MGMT: variants seen among roughly 807,000 people sequenced by gnomAD.
MGMT encodes the protein O-6-methylguanine-DNA methyltransferase.
MGMT carries 14 observed loss-of-function variants against 15.9 expected under a neutral mutation model. The observed-to-expected ratio is 0.88, with a 90% confidence interval of 0.58 to 1.37. The LOEUF is 1.37. Ranked by LOEUF, MGMT falls within the 40% of genes most tolerant of loss-of-function variation. MGMT has a pLI of 0.00. For synonymous variants in MGMT, 130 were observed against 118.2 expected, an observed-to-expected ratio of 1.10 and a Z score of -0.65; for missense variants, 282 against 268.1, an observed-to-expected ratio of 1.05 and a Z score of -0.36.
chr10:129,468,182 C>G (rs773828152), intron 1 of MGMT, among the ~76,000 whole-genome samples: 12 of 152,198 alleles, frequency 7.9e-5, no homozygotes, highest in Non-Finnish European at 7.3e-5. Flanking sequence ...CTCCCGTCAT[C>G]TCCCCCATCC....
At chr10:129,666,045 C>G (rs1191287507) in intron 2 of MGMT, among the ~76,000 whole-genome samples, 2 of 151,988 alleles carry the variant, frequency 1.3e-5, no homozygotes, top group Non-Finnish European at 2.9e-5. Flanking sequence ...AAGTAACTCT[C>G]AAATGGTTCA....
At chr10:129,536,558 C>T (rs1409401847) in intron 2 of MGMT, 181 bp downstream of exon 2, 1 of 683,612 alleles carries the variant, frequency 1.5e-6, no homozygotes, top group Admixed American at 3.4e-5. Context: ...TGCAGCTTCC[C>T]TGTGTGTTGC....
intron 2 of MGMT, among the ~76,000 whole-genome samples, chr10:129,656,051 T>C (rs1038438295): frequency 6.6e-6 from 1 of 152,226 alleles, no homozygotes; most frequent in Non-Finnish European, 1.5e-5. Context: ...GGACAACCCC[T>C]GAATTAACCA....
intron 1 of MGMT, among the ~76,000 whole-genome samples, chr10:129,528,526 G>A (rs10829602): frequency 0.39 from 58,306 of 150,740 alleles, 12,412 homozygotes; most frequent in East Asian, 0.63. Context: ...CGGGGGGAGC[G>A]GGGGCGTGGG....
chr10:129,644,347 C>T (rs1837530707), intron 2 of MGMT, among the ~76,000 whole-genome samples: 2 of 152,228 alleles, frequency 1.3e-5, no homozygotes, highest in South Asian at 2.1e-4. Flanking sequence ...GCGGCATGTG[C>T]TGGAAAATGA....
At chr10:129,559,670 G>A (rs1846255336) in intron 2 of MGMT, among the ~76,000 whole-genome samples, 1 of 152,032 alleles carries the variant, frequency 6.6e-6, no homozygotes, top group African/African-American at 2.4e-5. Flanking sequence ...AGAGTATGTT[G>A]TGCCATATAT....
intron 2 of MGMT, among the ~76,000 whole-genome samples, chr10:129,689,891 A>T (rs991573677): frequency 2.4e-4 from 36 of 152,346 alleles, no homozygotes; most frequent in African/African-American, 8.7e-4. Flanking sequence ...CCGTGATAAA[A>T]CTAAAACTGC....
chr10:129,528,658 G>A (rs184736158), intron 1 of MGMT, among the ~76,000 whole-genome samples: 17 of 151,664 alleles, frequency 1.1e-4, no homozygotes, highest in Non-Finnish European at 1.5e-4. Flanking sequence ...ATGGAGAACC[G>A]TGGTGGCGGA....
intron 2 of MGMT, among the ~76,000 whole-genome samples, chr10:129,648,004 A>G (rs1847416560): frequency 6.6e-6 from 1 of 152,170 alleles, no homozygotes; most frequent in Non-Finnish European, 1.5e-5. Context: ...CATTTCCTTC[A>G]AGCCTTCAGC....
intron 2 of MGMT, among the ~76,000 whole-genome samples, chr10:129,576,036 A>G (rs923691969): frequency 6.6e-6 from 1 of 152,360 alleles, no homozygotes; most frequent in East Asian, 1.9e-4. Context: ...AATTGAGGCA[A>G]TAATTAATAG....
chr10:129,679,685 G>T (rs991982102), intron 2 of MGMT, among the ~76,000 whole-genome samples: 1 of 152,210 alleles, frequency 6.6e-6, no homozygotes, highest in Admixed American at 6.5e-5. Flanking sequence ...ATCCTTTAAT[G>T]AAAGATTTTA....
intron 2 of MGMT, among the ~76,000 whole-genome samples, chr10:129,581,014 A>G (rs535507347): frequency 6.6e-6 from 1 of 152,152 alleles, no homozygotes; most frequent in African/African-American, 2.4e-5. Flanking sequence ...TCAACAGTTG[A>G]ATTTGGATTC....
chr10:129,767,605 C>T lies in MGMT; in HGVS notation c.*608C>T, dbSNP rs915148651. 6.6e-6 allele frequency: 1 copy of T among 152,266 alleles called. No homozygotes were observed. The highest frequency in any genetic ancestry group is 1.5e-5 in the Non-Finnish European group (1 of 68,072). The allele number at this position is 152,266 out of a possible 1,614,324, so 9.4% of individuals were successfully genotyped here. A position where few individuals can be genotyped will look rare whatever the true frequency, so the allele number is the denominator to read the frequency against. The stretch of plus-strand genomic sequence containing the variant: ...TCTGTATCAGGTGAATAGAAAATAA[C>T]CATTTGCCAAGATTTGGAAAGACAG... On this transcript the variant is annotated 3_prime_UTR_variant, in exon 5 of 5. Transcript: ENST00000651593.
intron 1 of MGMT, among the ~76,000 whole-genome samples, chr10:129,512,744 G>A (rs367575102): frequency 4.6e-5 from 7 of 152,304 alleles, no homozygotes; most frequent in South Asian, 4.1e-4. Flanking sequence ...ATTTGATAAC[G>A]TTTATGATAA....
intron 1 of MGMT, among the ~76,000 whole-genome samples, chr10:129,514,433 G>A (rs943565860): frequency 3.9e-5 from 6 of 151,946 alleles, no homozygotes; most frequent in East Asian, 1.9e-4. Flanking sequence ...ATCTTTCCCC[G>A]TGTATATTAG....
intron 1 of MGMT, among the ~76,000 whole-genome samples, chr10:129,526,698 A>G (rs1045557510): frequency 6.6e-6 from 1 of 152,164 alleles, no homozygotes; most frequent in Non-Finnish European, 1.5e-5. Flanking sequence ...GGATACCAGC[A>G]GTGGAAATGG....
intron 2 of MGMT, among the ~76,000 whole-genome samples, chr10:129,705,811 A>G (rs776741192): frequency 1.3e-5 from 2 of 152,198 alleles, no homozygotes; most frequent in Non-Finnish European, 2.9e-5. Context: ...CTGGGGAGAC[A>G]GGTCCCCTTC....
At chr10:129,520,445 C>CAA in intron 1 of MGMT, among the ~76,000 whole-genome samples, 1 of 151,902 alleles carries the variant, frequency 6.6e-6, no homozygotes, top group Non-Finnish European at 1.5e-5. Context: ...CCCTATGGTG[C>CAA]GAGTACAGAG....
At chr10:129,689,725 C>T (rs1197114545) in intron 2 of MGMT, among the ~76,000 whole-genome samples, 1 of 152,228 alleles carries the variant, frequency 6.6e-6, no homozygotes, top group Admixed American at 6.5e-5. Context: ...CTTGGCTTAA[C>T]TCTTGATCCA....
Sources: gnomAD v4.1 joint callset for allele counts (sites outside exome capture counted in the v4.1 genomes callset) on GRCh38, gnomAD v4.1.1 for gene constraint, MANE v1.5 for transcripts, NCBI Gene and HGNC (gene_info 2026-07-23, HGNC 2026-07-21) for gene names.